The following ZNF577 variants were observed in gnomAD, a reference collection of about 807,000 sequenced individuals.
ZNF577 encodes the protein zinc finger protein 577.
Under a neutral mutation model 13.9 loss-of-function variants are expected in ZNF577, and 14 were observed. The ratio of observed to expected loss-of-function variants is 1.00; its 90% CI spans 0.66 to 1.57. The LOEUF is 1.57. ZNF577 is among the 40% of genes most tolerant of loss of function. ZNF577 has a pLI of 0.00. For synonymous variants in ZNF577, 203 were observed against 202.9 expected (o/e 1.00, Z 0.00); for missense variants, 555 against 579.2 (o/e 0.96, Z 0.43).
intron 5 of ZNF577, among the ~76,000 whole-genome samples, chr19:51,852,826 A>G (rs1023821087): frequency 6.6e-6 from 1 of 152,186 alleles, no homozygotes; most frequent in African/African-American, 2.4e-5. Flanking sequence ...ATTGTGTTTA[A>G]TATACTTTTG....
chr19:51,811,366 A>T (rs1356678197), intron 10 of ZNF577: 1 of 152,032 alleles, frequency 6.6e-6, no homozygotes, highest in Non-Finnish European at 1.5e-5. Context: ...GCACATAATT[A>T]TTTTTTTCAG....
chr19:51,862,972 C>A (rs899328957), downstream of ZNF577: 1 of 152,216 alleles, frequency 6.6e-6, no homozygotes, highest in Non-Finnish European at 1.5e-5. Context: ...AACTTCTCCA[C>A]ATTTGCTGCA....
At chr19:51,885,409 G>A (rs189951519) in intron 1 of ZNF577, among the ~76,000 whole-genome samples, 1 of 152,156 alleles carries the variant, frequency 6.6e-6, no homozygotes, top group African/African-American at 2.4e-5. Context: ...CTCAGTTACT[G>A]AGAGAAGTAT....
intron 5 of ZNF577, among the ~76,000 whole-genome samples, chr19:51,874,923 A>C (rs924380654): frequency 2.0e-5 from 3 of 152,234 alleles, no homozygotes; most frequent in Non-Finnish European, 4.4e-5. Flanking sequence ...ATAACTGCTC[A>C]GTATGTGGCT....
At chr19:51,815,239 G>C (rs2084126659) in intron 9 of ZNF577, among the ~76,000 whole-genome samples, 1 of 152,128 alleles carries the variant, frequency 6.6e-6, no homozygotes, top group Non-Finnish European at 1.5e-5. Context: ...TTTCAGGAAG[G>C]GGAAGTGGGG....
At chr19:51,832,223 T>C (rs1017490791) in intron 9 of ZNF577, among the ~76,000 whole-genome samples, 1 of 152,168 alleles carries the variant, frequency 6.6e-6, no homozygotes, top group African/African-American at 2.4e-5. Flanking sequence ...CTGAACCATA[T>C]ACAGCAGAGT....
At chr19:51,810,731 AAC>A (rs769054014) in intron 10 of ZNF577, among the ~76,000 whole-genome samples, 38 of 152,298 alleles carry the variant, frequency 2.5e-4, no homozygotes, top group Non-Finnish European at 5.1e-4. Flanking sequence ...CATAGCACCA[AAC>A]ACAGATTCTA....
rs1056777554 is a variant in ZNF577 at position 51,824,822 on chromosome 19, T to C, written c.*600-13148A>G. 6.3e-7 allele frequency: 1 copy of C among 1,591,098 alleles called. No individual in the cohort carries two copies. The highest frequency in any genetic ancestry group is 1.8e-5 in the Admixed American group (1 of 56,552). On this transcript the variant is annotated intron_variant and NMD_transcript_variant, in intron 9 of 10. Coordinates refer to the ZNF577 transcript ENST00000638827. The surrounding 1 kb of genome is among the most constrained non-coding windows in gnomAD (Gnocchi z 4.7). ...TACAAGCAATGTGAGGTCGGGGATA[T>C]TTTTGGGCTCTGTCTCTTTCTACCC...
chr19:51,811,382 G>A (rs56408717), intron 10 of ZNF577: 17,797 of 152,046 alleles, frequency 0.12, 1,310 homozygotes, highest in South Asian at 0.29. Context: ...TTCAGTAGAC[G>A]AATTCTGCCC....
intron 9 of ZNF577, among the ~76,000 whole-genome samples, chr19:51,838,504 T>TAA: frequency 6.7e-6 from 1 of 149,310 alleles, no homozygotes; most frequent in South Asian, 2.1e-4. Context: ...AATTTTTTTT[T>TAA]AAAATAGCCA....
chr19:51,815,140 G>A (rs1195274499), intron 9 of ZNF577, among the ~76,000 whole-genome samples: 2 of 152,120 alleles, frequency 1.3e-5, no homozygotes, highest in Admixed American at 1.3e-4. Context: ...GTTATTTAGG[G>A]CGAGGTCCCT....
intron 5 of ZNF577, among the ~76,000 whole-genome samples, chr19:51,857,400 AAGAAAG>A (rs2084441548): frequency 8.1e-6 from 1 of 124,004 alleles, no homozygotes; most frequent in Admixed American, 8.1e-5. Context: ...GAAAGAAAGA[AAGAAAG>A]AAAGAAAGAA....
chr19:51,840,190 C>T (rs1297120573), intron 8 of ZNF577: 1 of 152,208 alleles, frequency 6.6e-6, no homozygotes, highest in Non-Finnish European at 1.5e-5. Context: ...CTACCAGCAG[C>T]GTTGTGCATT....
intron 5 of ZNF577, among the ~76,000 whole-genome samples, chr19:51,874,247 T>C (rs2084718986): frequency 6.6e-6 from 1 of 152,226 alleles, no homozygotes; most frequent in East Asian, 1.9e-4. Context: ...GTATTTGGGA[T>C]ACTACAGTGA....
At position 51,822,270 on chromosome 19, in the gene ZNF577, C is replaced by G. The variant is rs574783537; in HGVS notation, c.*600-10596G>C. Among the ~76,000 whole-genome samples the G allele has an allele frequency of 5.9e-5, 9 of 152,308 alleles. No individual in the cohort carries two copies. In the East Asian group the frequency reaches 9.6e-4, roughly 16 times the overall value. On this transcript the variant is annotated intron_variant and NMD_transcript_variant, in intron 9 of 10. Coordinates refer to the ZNF577 transcript ENST00000638827. ...ATTGCCCAGAATTTAGTCATGTTTC[C>G]ACCAATAAAGCAATCCCTTGCAAAG...
At chr19:51,831,076 T>C (rs1257412355) in intron 9 of ZNF577, among the ~76,000 whole-genome samples, 1 of 152,174 alleles carries the variant, frequency 6.6e-6, no homozygotes, top group Non-Finnish European at 1.5e-5. Context: ...CTACCAAATG[T>C]CTTAAGTCCC....
At chr19:51,854,389 C>T (rs2084397279) in intron 5 of ZNF577, among the ~76,000 whole-genome samples, 1 of 151,746 alleles carries the variant, frequency 6.6e-6, no homozygotes, top group Non-Finnish European at 1.5e-5. Context: ...GGTGCAGTGC[C>T]ACGATCATGG....
At chr19:51,805,964 T>G (rs540931290) in intron 10 of ZNF577, among the ~76,000 whole-genome samples, 1 of 152,262 alleles carries the variant, frequency 6.6e-6, no homozygotes, top group East Asian at 1.9e-4. Flanking sequence ...AGATATTATG[T>G]GTTCGCAATG....
At chr19:51,855,115 TTG>T (rs1207213545) in intron 5 of ZNF577, among the ~76,000 whole-genome samples, 15 of 152,320 alleles carry the variant, frequency 9.8e-5, no homozygotes, top group African/African-American at 3.6e-4. Context: ...ACTTTTCTGA[TTG>T]TGTGTCACAA....
Sources: gnomAD v4.1 joint callset for allele counts (sites outside exome capture counted in the v4.1 genomes callset) on GRCh38, gnomAD v4.1.1 for gene constraint, Gnocchi (gnomAD v3.1) non-coding constraint, MANE v1.5 for transcripts, NCBI Gene and HGNC (gene_info 2026-07-23, HGNC 2026-07-21) for gene names.